The following MBD2 variants were observed in gnomAD, a reference collection of about 807,000 sequenced individuals.
MBD2 encodes the protein methyl-CpG-binding domain protein 2.
MBD2 carries 9 observed loss-of-function variants against 39.3 expected under a neutral mutation model. The observed-to-expected ratio is 0.23, with a 90% CI of 0.14 to 0.40. The LOEUF (loss-of-function observed/expected upper bound fraction) is 0.40, where lower values mean the gene tolerates loss of function less well. Ranked by LOEUF, MBD2 falls within the 10% of genes least tolerant of loss-of-function variation. The probability of loss-of-function intolerance (pLI) is 1.00; values close to 1 mark genes in which losing one functional copy is unlikely to be tolerated. For missense variants in MBD2, 458 were observed against 532.6 expected (o/e 0.86, Z 1.38); for synonymous variants, 233 against 211.1 (o/e 1.10, Z -0.90).
At chr18:54,216,779 G>A (rs1426273218) in intron 1 of MBD2, among the ~76,000 whole-genome samples, 1 of 152,064 alleles carries the variant, frequency 6.6e-6, no homozygotes, top group Non-Finnish European at 1.5e-5. Flanking sequence ...TTCAAAAGGG[G>A]ATGATGGGCC....
intron 1 of MBD2, among the ~76,000 whole-genome samples, chr18:54,214,508 T>C (rs1447224925): frequency 1.3e-5 from 2 of 151,978 alleles, no homozygotes; most frequent in Non-Finnish European, 2.9e-5. Context: ...CTATGCATAA[T>C]ATTTTTTTAA....
At chr18:54,157,116 CT>C (rs2086057818) in intron 6 of MBD2, among the ~76,000 whole-genome samples, 1 of 152,122 alleles carries the variant, frequency 6.6e-6, no homozygotes, top group African/African-American at 2.4e-5. Flanking sequence ...CTCTGAAAGA[CT>C]TCCAGCATAT....
intron 2 of MBD2, 97 bp downstream of exon 2, chr18:54,204,901 T>G: frequency 1.6e-6 from 2 of 1,250,976 alleles, no homozygotes; most frequent in Admixed American, 1.9e-5. Context: ...CACGGGACAT[T>G]TGGACAACCA....
In MBD2 at chr18:54,152,448, A is replaced by G. The variant is rs935924827; in HGVS notation, c.*2876T>C. ...CCATTCTTCCATTTATTCAGCAAAC[A>G]GTTACTGAGTGCTTACTAGGTGCCA... On this transcript the variant is annotated 3_prime_UTR_variant, in exon 7 of 7. Transcript: ENST00000256429. 4 of 152,228 alleles carry G rather than the reference A, an allele frequency of 2.6e-5. No individual in the cohort carries two copies. The highest frequency in any genetic ancestry group is 9.6e-5 in the African/African-American group (4 of 41,460). 9.4% of individuals were successfully genotyped at this position (152,228 alleles called of 1,614,324 possible). A position where few individuals can be genotyped will look rare whatever the true frequency, so the allele number is the denominator to read the frequency against.
chr18:54,220,665 T>C (rs1006624896), intron 1 of MBD2, among the ~76,000 whole-genome samples: 5 of 152,234 alleles, frequency 3.3e-5, no homozygotes, highest in Non-Finnish European at 7.3e-5. Flanking sequence ...CTTAACCCAC[T>C]TTTAGCAGAT....
chr18:54,223,942 T>C (rs921679949), intron 1 of MBD2, 76 bp downstream of exon 1: 2 of 1,277,806 alleles, frequency 1.6e-6, no homozygotes, highest in East Asian at 2.9e-5. Context: ...CCAGCGCTCA[T>C]CCTCTGCCCA....
intron 2 of MBD2, 80 bp from the exon 3 acceptor site, chr18:54,189,091 T>A (rs1335942769): frequency 3.2e-6 from 3 of 929,862 alleles, no homozygotes; most frequent in Non-Finnish European, 4.7e-6. Flanking sequence ...CAATATCTAT[T>A]ACTTTAAATC....
chr18:54,167,774 T>A (rs2086145129), intron 3 of MBD2, among the ~76,000 whole-genome samples: 1 of 152,192 alleles, frequency 6.6e-6, no homozygotes, highest in African/African-American at 2.4e-5. Context: ...GTTGTCAATA[T>A]AAGCAGGTCA....
Position 54,153,232 on chromosome 18 carries a change from G to A in MBD2, c.*2092C>T, listed in dbSNP as rs1457442334. ...CAGAAGCAAGGGAAAGGGCAGCATT[G>A]TGCTCACTCCTGGGCTTCTGCCTTG... On this transcript the variant is annotated 3_prime_UTR_variant, in exon 7 of 7. Transcript: ENST00000256429. 6.6e-6 allele frequency: 1 copy of A among 152,326 alleles called. No individual in the cohort carries two copies. The highest frequency in any genetic ancestry group is 1.5e-5 in the Non-Finnish European group (1 of 68,114). The allele number at this position is 152,326 out of a possible 1,614,324, so 9.4% of individuals were successfully genotyped here. A position where few individuals can be genotyped will look rare whatever the true frequency, so the allele number is the denominator to read the frequency against.
chr18:54,217,040 G>T (rs1440235728), intron 1 of MBD2, among the ~76,000 whole-genome samples: 1 of 152,162 alleles, frequency 6.6e-6, no homozygotes, highest in Non-Finnish European at 1.5e-5. Context: ...AGTGAGTGGA[G>T]ATCACGCCAC....
chr18:54,210,566 T>C (rs1354529602), intron 1 of MBD2, among the ~76,000 whole-genome samples: 2 of 152,236 alleles, frequency 1.3e-5, no homozygotes, highest in Non-Finnish European at 2.9e-5. Flanking sequence ...ATCATAATGT[T>C]CAGTCAAACC....
intron 3 of MBD2, among the ~76,000 whole-genome samples, chr18:54,172,580 G>A (rs889475629): frequency 2.0e-5 from 3 of 151,944 alleles, no homozygotes; most frequent in Non-Finnish European, 2.9e-5. Flanking sequence ...ATCCTAGCAC[G>A]ATTTTCATTA....
Position 54,211,179 on chromosome 18 carries a change from A to G in MBD2, c.543-6022T>C, listed in dbSNP as rs1388393991. Reference sequence around the variant, plus strand: ...AGCCACCGCGCCCGGCCAACTTTCTATTTTTTAAAATCTCTTTAAATGTTA... The same window carrying G: ...AGCCACCGCGCCCGGCCAACTTTCTGTTTTTTAAAATCTCTTTAAATGTTA... On this transcript the variant is annotated intron_variant, in intron 1 of 6. Coordinates refer to ENST00000256429, the MANE Select transcript of MBD2 (RefSeq NM_003927.5). 3.9e-5 allele frequency among the ~76,000 whole-genome samples: 6 copies of G among 151,986 alleles called. No homozygotes were observed. In the South Asian group the frequency reaches 1.0e-3, roughly 26 times the overall value.
chr18:54,160,189 T>C, intron 5 of MBD2: 1 of 316,538 alleles, frequency 3.2e-6, no homozygotes, highest in East Asian at 6.1e-5. Context: ...AAATGTCAAC[T>C]GTGTCAAGAT....
chr18:54,178,119 G>T (rs1381556069), intron 3 of MBD2, among the ~76,000 whole-genome samples: 1 of 152,022 alleles, frequency 6.6e-6, no homozygotes, highest in Non-Finnish European at 1.5e-5. Context: ...TTGGATTACA[G>T]GCATAAGCCA....
At chr18:54,173,996 T>A (rs2086194677) in intron 3 of MBD2, among the ~76,000 whole-genome samples, 1 of 152,046 alleles carries the variant, frequency 6.6e-6, no homozygotes, top group Admixed American at 6.6e-5. Flanking sequence ...GAATAGAAGG[T>A]GGGAGAGAAT....
chr18:54,210,505 G>A (rs1195146727), intron 1 of MBD2, among the ~76,000 whole-genome samples: 4 of 152,104 alleles, frequency 2.6e-5, no homozygotes, highest in Non-Finnish European at 5.9e-5. Context: ...TGAAATCACC[G>A]CTCTAATATA....
At chr18:54,165,102 G>A (rs2086121921) in intron 4 of MBD2, among the ~76,000 whole-genome samples, 1 of 152,162 alleles carries the variant, frequency 6.6e-6, no homozygotes, top group Non-Finnish European at 1.5e-5. Context: ...CTATACTCAA[G>A]TATCCCTTTT....
intron 1 of MBD2, among the ~76,000 whole-genome samples, chr18:54,205,547 C>A (rs568099946): frequency 6.8e-6 from 1 of 147,002 alleles, no homozygotes; most frequent in East Asian, 2.0e-4. Flanking sequence ...GCCAAGATCG[C>A]GTCACTGTAC....
Sources: gnomAD v4.1 joint callset for allele counts (sites outside exome capture counted in the v4.1 genomes callset) on GRCh38, gnomAD v4.1.1 for gene constraint, MANE v1.5 for transcripts, NCBI Gene and HGNC (gene_info 2026-07-23, HGNC 2026-07-21) for gene names.